The following DHX57 variants were observed in gnomAD, a reference collection of about 807,000 sequenced individuals.
DHX57 encodes the protein putative ATP-dependent RNA helicase DHX57.
DHX57 carries 105 observed loss-of-function variants against 156.2 expected under a neutral mutation model. That is an observed-to-expected ratio of 0.67 (90% CI 0.57 to 0.79). The LOEUF is 0.79. Ranked by LOEUF, DHX57 falls within the 30% of genes least tolerant of loss-of-function variation. The pLI, the probability that DHX57 is intolerant of heterozygous loss-of-function variation, is 0.00. For missense variants in DHX57, 1,847 were observed against 1,661.9 expected, an observed-to-expected ratio of 1.11 and a Z score of -1.94; for synonymous variants, 704 against 595.6, an observed-to-expected ratio of 1.18 and a Z score of -2.65.
chr2:38,845,618 G>A (rs932626190), intron 11 of DHX57, among the ~76,000 whole-genome samples: 1 of 152,134 alleles, frequency 6.6e-6, no homozygotes, highest in East Asian at 1.9e-4. Flanking sequence ...GAAATCACAT[G>A]AGTCTAAGGT....
At chr2:38,872,163 G>A (rs1351046261) in intron 1 of DHX57, among the ~76,000 whole-genome samples, 1 of 152,096 alleles carries the variant, frequency 6.6e-6, no homozygotes, top group Non-Finnish European at 1.5e-5. Flanking sequence ...TGAACTTTGG[G>A]GGTAAACATT....
chr2:38,800,270 C>G (rs935262109), intron 23 of DHX57, among the ~76,000 whole-genome samples: 10 of 151,554 alleles, frequency 6.6e-5, no homozygotes, highest in Admixed American at 5.9e-4. Flanking sequence ...AGGAGAATTG[C>G]TTGAACCCGG....
At chr2:38,860,403 C>T (rs1383044320) in intron 5 of DHX57, among the ~76,000 whole-genome samples, 1 of 152,090 alleles carries the variant, frequency 6.6e-6, no homozygotes, top group Non-Finnish European at 1.5e-5. Flanking sequence ...GAGCTGAGAT[C>T]ATACCACTGC....
chr2:38,867,244 A>G (rs148568156), intron 2 of DHX57: 2 of 152,328 alleles, frequency 1.3e-5, no homozygotes, highest in African/African-American at 4.8e-5. Context: ...AGTACATTCT[A>G]TGATGTTTGC....
intron 21 of DHX57, among the ~76,000 whole-genome samples, 172 bp from the exon 22 acceptor site, chr2:38,806,865 CTT>C (rs34006142): frequency 1.4e-3 from 186 of 137,106 alleles, no homozygotes; most frequent in Non-Finnish European, 1.7e-3. Flanking sequence ...CAAGCACATG[CTT>C]TTTTTTTTTT....
chr2:38,839,292 C>G (rs988904906), intron 12 of DHX57, among the ~76,000 whole-genome samples: 1 of 151,970 alleles, frequency 6.6e-6, no homozygotes, highest in Non-Finnish European at 1.5e-5. Flanking sequence ...AAGACTGCTG[C>G]CCATTCTTCT....
In DHX57 at chr2:38,863,491, C is replaced by T; in HGVS notation, c.253G>A (p.Glu85Lys). The T allele has an allele frequency of 1.2e-6, 2 of 1,613,992 alleles. No individual in the cohort carries two copies. The highest frequency in any genetic ancestry group is 1.7e-6 in the Non-Finnish European group (2 of 1,180,004). ...RPSNSNISKG[E>K]SRPKWKPKAK... Reference sequence around the variant, plus strand: ...TTGGGTTTCCATTTTGGGCGTGACTCTCCTTTGCTTATGTTACTGTTGCTA... The same window carrying T: ...TTGGGTTTCCATTTTGGGCGTGACTTTCCTTTGCTTATGTTACTGTTGCTA... Residue 85 changes from glutamate (E) to lysine (K), a missense_variant, in exon 3 of 24, where the codon GAG becomes AAG. Physicochemically the swap from Glu to Lys is moderately conservative, Grantham distance 56. Coordinates refer to ENST00000457308, the MANE Select transcript of DHX57 (RefSeq NM_198963.3).
At chr2:38,825,823 A>T in intron 16 of DHX57, 24 bp downstream of exon 16, 1 of 1,613,250 alleles carries the variant, frequency 6.2e-7, no homozygotes, top group Admixed American at 1.7e-5. Flanking sequence ...TTTTGGAAGC[A>T]AAACACAAAA....
intron 23 of DHX57, among the ~76,000 whole-genome samples, chr2:38,799,157 G>A (rs10195616): frequency 0.56 from 84,941 of 151,588 alleles, 25,269 homozygotes; most frequent in East Asian, 0.81. Context: ...TGAGGTCAGG[G>A]GTTCGAGACC....
At chr2:38,807,945 CTTTTTTTTTTTTTT>C (rs34221239) in intron 21 of DHX57, among the ~76,000 whole-genome samples, 13 of 54,228 alleles carry the variant, frequency 2.4e-4, no homozygotes, top group East Asian at 8.5e-4. Flanking sequence ...TGTGTCTTGC[CTTTTTTTTTTTTTT>C]TTTTTTTTTT....
At chr2:38,808,542 T>C (rs1408253053) in intron 21 of DHX57, among the ~76,000 whole-genome samples, 1 of 152,014 alleles carries the variant, frequency 6.6e-6, no homozygotes, top group Non-Finnish European at 1.5e-5. Flanking sequence ...ATAAATACCC[T>C]GTTTTTTCAA....
chr2:38,846,882 T>C, intron 11 of DHX57, 137 bp downstream of exon 11: 1 of 514,010 alleles, frequency 1.9e-6, no homozygotes. Context: ...TAGATGGGGG[T>C]CCCAATATGT....
intron 17 of DHX57, among the ~76,000 whole-genome samples, chr2:38,820,895 G>C (rs1352069280): frequency 6.9e-6 from 1 of 145,308 alleles, no homozygotes; most frequent in Non-Finnish European, 1.5e-5. Flanking sequence ...AAAAAAGGCA[G>C]ACTGACACTC....
At chr2:38,862,052 A>C in intron 4 of DHX57, 93 bp downstream of exon 4, 1 of 1,404,120 alleles carries the variant, frequency 7.1e-7, no homozygotes, top group Admixed American at 2.4e-5. Flanking sequence ...GAACCCACAT[A>C]ATAGGAAAGT....
chr2:38,875,822 G>A lies in DHX57; in HGVS notation c.-42C>T. Reference sequence around the variant, plus strand: ...GAGTTGGGTCCCGAGCCGGCTGTCGGGAGGTGCTGCCCAAGGGTCAGAGGT... The same window carrying A: ...GAGTTGGGTCCCGAGCCGGCTGTCGAGAGGTGCTGCCCAAGGGTCAGAGGT... On this transcript the variant is annotated 5_prime_UTR_variant, in exon 1 of 24. Coordinates refer to ENST00000457308, the MANE Select transcript of DHX57 (RefSeq NM_198963.3). 2.6e-6 allele frequency: 1 copy of A among 389,864 alleles called. No individual in the cohort carries two copies. Among genetic ancestry groups the A allele is most frequent in the East Asian group, 3.6e-5 (1 of 27,486 alleles). The allele number at this position is 389,864 out of a possible 1,614,324, so 24.2% of individuals were successfully genotyped here.
At chr2:38,810,502 G>A (rs1670183363) in intron 21 of DHX57, 8 of 556,058 alleles carry the variant, frequency 1.4e-5, no homozygotes, top group Non-Finnish European at 3.5e-6. Context: ...ATGTTGATGA[G>A]ACTGGTGTCA....
chr2:38,811,703 A>G (rs1434108884), intron 21 of DHX57: 20 of 850,422 alleles, frequency 2.4e-5, no homozygotes, highest in Admixed American at 1.3e-4. Flanking sequence ...ATCTGTCTTC[A>G]TGGCTCAGTG....
chr2:38,800,350 C>T (rs1277158855), intron 23 of DHX57, among the ~76,000 whole-genome samples: 3 of 150,942 alleles, frequency 2.0e-5, no homozygotes, highest in Non-Finnish European at 4.4e-5. Context: ...CAAGACTCCA[C>T]CTCAAAAAAA....
rs764878499 is a variant in DHX57, at chr2:38,868,280, ACCACCG to A, written c.120_125del (p.Gly48_Gly49del). The A allele has an allele frequency of 1.9e-6, 3 of 1,560,824 alleles. No homozygotes were observed. Among genetic ancestry groups the A allele is most frequent in the Non-Finnish European group, 8.7e-7 (1 of 1,145,858 alleles). On this transcript the variant is annotated inframe_deletion, in exon 2 of 24. Transcript: ENST00000457308. Reference sequence around the variant, plus strand: ...TGTTGCCGCCACCTCCACCACCACCACCACCGCCACCGCCACCACTCCCATGAGATT... The same window carrying A: ...TGTTGCCGCCACCTCCACCACCACCACCACCGCCACCACTCCCATGAGATT...
Sources: allele counts gnomAD v4.1 joint callset (sites outside exome capture counted in the v4.1 genomes callset), GRCh38; gene constraint gnomAD v4.1.1; transcripts MANE v1.5; gene names NCBI Gene and HGNC (gene_info 2026-07-23, HGNC 2026-07-21).